PCDHGB6: variants seen among roughly 807,000 people sequenced by gnomAD.
PCDHGB6 encodes protocadherin gamma subfamily B, 6.
In PCDHGB6, 51 loss-of-function variants were observed where a neutral mutation model predicts 59.1. The observed-to-expected ratio is 0.86, with a 90% CI of 0.69 to 1.09. The LOEUF is 1.09. Ranked by LOEUF, PCDHGB6 falls within the 50% of genes least tolerant of loss-of-function variation. The pLI, the probability that PCDHGB6 is intolerant of heterozygous loss-of-function variation, is 0.00. For synonymous variants in PCDHGB6, 466 were observed against 495.1 expected (o/e 0.94, Z 0.78); for missense variants, 1,148 against 1,205.1 (o/e 0.95, Z 0.70).
intron 2 of PCDHGB6, among the ~76,000 whole-genome samples, chr5:141,495,430 C>A (rs1189953474): frequency 6.6e-6 from 1 of 152,220 alleles, no homozygotes; most frequent in Non-Finnish European, 1.5e-5. Context: ...TCCCACTGTC[C>A]TCTGCCCCTA....
intron 1 of PCDHGB6, chr5:141,441,653 G>T: frequency 4.1e-6 from 1 of 243,884 alleles, no homozygotes; most frequent in Non-Finnish European, 8.2e-6. Context: ...GATTCTAGGT[G>T]TCCTTGAGCG....
Position 141,408,732 on chromosome 5 carries a change from AT to A in PCDHGB6, c.535del (p.Ser179HisfsTer2), listed in dbSNP as rs1172232848. ...IKDYKINSNP[Y>X]FSLMVRVNSD... is the part of the protein sequence containing the mutation. ...GATTATAAGATAAACTCTAATCCTTATTTTTCATTAATGGTTAGAGTTAATT... is the reference window on the plus strand; with the variant it reads ...GATTATAAGATAAACTCTAATCCTTATTTTCATTAATGGTTAGAGTTAATT... On this transcript the variant is annotated frameshift_variant, in exon 1 of 4. Transcript: ENST00000520790. LOFTEE classifies it high-confidence loss of function. The A allele has an allele frequency of 6.2e-7, 1 of 1,610,014 alleles. No homozygotes were observed. Among genetic ancestry groups the A allele is most frequent in the Non-Finnish European group, 8.5e-7 (1 of 1,177,816 alleles).
chr5:141,445,048 A>G (rs1364884310), intron 1 of PCDHGB6, among the ~76,000 whole-genome samples: 4 of 152,234 alleles, frequency 2.6e-5, no homozygotes, highest in Non-Finnish European at 5.9e-5. Flanking sequence ...TTTTCAGTGT[A>G]GAGAGGTCAT....
In PCDHGB6 at chr5:141,432,255, C is replaced by T. The variant is rs1561859576; in HGVS notation, c.2418+21635C>T. The T allele has an allele frequency of 6.2e-7, 1 of 1,614,246 alleles. No individual in the cohort carries two copies. The highest frequency in any genetic ancestry group is 8.5e-7 in the Non-Finnish European group (1 of 1,180,048). On this transcript the variant is annotated intron_variant, in intron 1 of 3. Transcript: ENST00000520790. This position sits in a 1 kb window ranked among gnomAD's most constrained non-coding sequence, Gnocchi z 6.0. The stretch of plus-strand genomic sequence containing the variant: ...CTGGCTGAGAACACCATCCAAGGGG[C>T]AAGCCTATCGTCCTACGTGTCCATC...
chr5:141,430,673 C>A, intron 1 of PCDHGB6: 1 of 1,288,318 alleles, frequency 7.8e-7, no homozygotes, highest in Non-Finnish European at 1.0e-6. Flanking sequence ...TCTGACTTCC[C>A]AACTGTCCCA....
rs771744120 is a variant in PCDHGB6 at position 141,485,876 on chromosome 5, G to A, written c.2419-8931G>A. ...AGAGCTCCGGGTATCCGTGCTGGAC[G>A]TAAACGACAACGCCCCAGCCTTCCA... On this transcript the variant is annotated intron_variant, in intron 1 of 3. Transcript: ENST00000520790. This position sits in a 1 kb window ranked among gnomAD's most constrained non-coding sequence, Gnocchi z 5.7. 1 of 1,614,174 alleles carries A rather than the reference G, an allele frequency of 6.2e-7. No homozygotes were observed. Among genetic ancestry groups the A allele is most frequent in the Non-Finnish European group, 8.5e-7 (1 of 1,180,030 alleles).
In PCDHGB6 at chr5:141,409,272, T is replaced by G. The variant is rs2095250021; in HGVS notation, c.1070T>G (p.Leu357Trp). ...IIITSLSDQILENSPPGMVVA... is the reference protein window; with the variant it reads ...IIITSLSDQIWENSPPGMVVA... ...ATCACTTCTCTCTCTGATCAGATTT[T>G]GGAGAATTCACCTCCAGGAATGGTT... Residue 357 changes from leucine (L) to tryptophan (W), a missense_variant, in exon 1 of 4, where the codon TTG becomes TGG. Coordinates refer to ENST00000520790, the MANE Select transcript of PCDHGB6 (RefSeq NM_018926.3). 5 of 1,614,042 alleles carry G rather than the reference T, an allele frequency of 3.1e-6. No individual in the cohort carries two copies. In the South Asian group the frequency reaches 4.4e-5, roughly 14 times the overall value.
intron 2 of PCDHGB6, among the ~76,000 whole-genome samples, chr5:141,502,956 G>A (rs986743949): frequency 1.3e-5 from 2 of 148,846 alleles, no homozygotes; most frequent in African/African-American, 5.0e-5. Context: ...CGATTCTCCT[G>A]CCTCAGCCTC....
intron 1 of PCDHGB6, among the ~76,000 whole-genome samples, chr5:141,472,980 C>CAAAAAAAAAAAAAAAA (rs60579131): frequency 2.8e-4 from 24 of 86,024 alleles, no homozygotes; most frequent in East Asian, 1.2e-3. Context: ...GAGTGAAACT[C>CAAAAAAAAAAAAAAAA]AAAAAAAAAA....
In PCDHGB6 at chr5:141,486,432, G is replaced by T; in HGVS notation, c.2419-8375G>T. On this transcript the variant is annotated intron_variant, in intron 1 of 3. Coordinates refer to ENST00000520790, the MANE Select transcript of PCDHGB6 (RefSeq NM_018926.3). This position sits in a 1 kb window ranked among gnomAD's most constrained non-coding sequence, Gnocchi z 5.0. ...CCCTTGGATCGAGAGGCCAAATCTA[G>T]CTATGACATCATGGTCACTGCTTCT... 4 of 1,614,172 alleles carry T rather than the reference G, an allele frequency of 2.5e-6. No homozygotes were observed. Among genetic ancestry groups the T allele is most frequent in the Non-Finnish European group, 2.5e-6 (3 of 1,180,020 alleles).
chr5:141,422,259 C>T (rs751340056), intron 1 of PCDHGB6: 2 of 1,565,034 alleles, frequency 1.3e-6, no homozygotes, highest in Non-Finnish European at 1.7e-6. Flanking sequence ...TGAATGATAA[C>T]GCTCCAGAAA....
chr5:141,431,016 C>T lies in PCDHGB6; in HGVS notation c.2418+20396C>T, dbSNP rs755015257. Reference sequence around the variant, plus strand: ...AATCCGCGCAGCGGCAGCTTGGTCACGGCGGGCAGGATAGACCGGGAGGAG... The same window carrying T: ...AATCCGCGCAGCGGCAGCTTGGTCATGGCGGGCAGGATAGACCGGGAGGAG... On this transcript the variant is annotated intron_variant, in intron 1 of 3. Transcript: ENST00000520790. This position sits in a 1 kb window ranked among gnomAD's most constrained non-coding sequence, Gnocchi z 4.8. 3 of 1,613,456 alleles carry T rather than the reference C, an allele frequency of 1.9e-6. No individual in the cohort carries two copies. The highest frequency in any genetic ancestry group is 2.2e-5 in the South Asian group (2 of 91,058).
chr5:141,476,018 A>G lies in PCDHGB6; in HGVS notation c.2419-18789A>G. 7.3e-7 allele frequency: 1 copy of G among 1,371,412 alleles called. No homozygotes were observed. Among genetic ancestry groups the G allele is most frequent in the African/African-American group, 1.4e-5 (1 of 69,226 alleles). The allele number at this position is 1,371,412 out of a possible 1,614,324, so 85.0% of individuals were successfully genotyped here. A position where few individuals can be genotyped will look rare whatever the true frequency, so the allele number is the denominator to read the frequency against. The stretch of plus-strand genomic sequence containing the variant: ...AACGGCATCCAGAAAGCCATGTCGG[A>G]CTCGGCGCCCAGCGCCCAAGCGCTA... On this transcript the variant is annotated intron_variant, in intron 1 of 3. Coordinates refer to ENST00000520790, the MANE Select transcript of PCDHGB6 (RefSeq NM_018926.3). This position sits in a 1 kb window ranked among gnomAD's most constrained non-coding sequence, Gnocchi z 7.6.
chr5:141,475,116 C>G (rs1383017919), intron 1 of PCDHGB6, among the ~76,000 whole-genome samples: 2 of 152,128 alleles, frequency 1.3e-5, no homozygotes, highest in African/African-American at 4.8e-5. Context: ...GTAAATAGGC[C>G]TGGCTTTTTT....
intron 1 of PCDHGB6, chr5:141,417,503 T>G (rs1171198405): frequency 8.7e-6 from 2 of 229,844 alleles, no homozygotes; most frequent in East Asian, 1.9e-4. Context: ...GGAAAAAGAT[T>G]AAAATATTTT....
In PCDHGB6 at chr5:141,486,858, C is replaced by T. The variant is rs2099636039; in HGVS notation, c.2419-7949C>T. The T allele has an allele frequency of 2.5e-6, 4 of 1,614,246 alleles. No homozygotes were observed. The highest frequency in any genetic ancestry group is 1.1e-5 in the South Asian group (1 of 91,088). On this transcript the variant is annotated intron_variant, in intron 1 of 3. Transcript: ENST00000520790. The surrounding 1 kb of genome is among the most constrained non-coding windows in gnomAD (Gnocchi z 5.0). ...TTTGTGCTGGACCTCAATGACAATGCTCCAGCTGTGCTCCGTCCTCGGGCC... is the reference window on the plus strand; with the variant it reads ...TTTGTGCTGGACCTCAATGACAATGTTCCAGCTGTGCTCCGTCCTCGGGCC...
At chr5:141,437,986 C>T (rs2097921856) in intron 1 of PCDHGB6, among the ~76,000 whole-genome samples, 1 of 152,096 alleles carries the variant, frequency 6.6e-6, no homozygotes, top group African/African-American at 2.4e-5. Context: ...TGCACCCACC[C>T]CACCTCAGCC....
intron 1 of PCDHGB6, among the ~76,000 whole-genome samples, chr5:141,475,253 A>C (rs2099360990): frequency 6.6e-6 from 1 of 152,200 alleles, no homozygotes; most frequent in Non-Finnish European, 1.5e-5. Flanking sequence ...GTGCTCTACA[A>C]CTGAGATCAT....
intron 1 of PCDHGB6, chr5:141,419,377 C>T: frequency 6.2e-6 from 10 of 1,613,690 alleles, no homozygotes; most frequent in Admixed American, 3.3e-5. Flanking sequence ...CCTACGTGTC[C>T]GTGAGCGCGC....
Sources: gnomAD v4.1 joint callset for allele counts (sites outside exome capture counted in the v4.1 genomes callset) on GRCh38, gnomAD v4.1.1 for gene constraint, Gnocchi (gnomAD v3.1) non-coding constraint, MANE v1.5 for transcripts, NCBI Gene and HGNC (gene_info 2026-07-23, HGNC 2026-07-21) for gene names.